ABCC9: variants seen among roughly 807,000 people sequenced by gnomAD.
ABCC9 encodes ATP-binding cassette sub-family C member 9.
Under a neutral mutation model 188.3 loss-of-function variants are expected in ABCC9, and 95 were observed. That is an observed-to-expected ratio of 0.50 (90% CI 0.43 to 0.60). The LOEUF (loss-of-function observed/expected upper bound fraction) is 0.60, where lower values mean the gene tolerates loss of function less well. Ranked by LOEUF, ABCC9 falls within the 20% of genes least tolerant of loss-of-function variation. The pLI, the probability that ABCC9 is intolerant of heterozygous loss-of-function variation, is 0.00. For synonymous variants in ABCC9, 659 were observed against 652.7 expected, an observed-to-expected ratio of 1.01 and a Z score of -0.15; for missense variants, 1,102 against 1,876.3, an observed-to-expected ratio of 0.59 and a Z score of 7.62.
In ABCC9 at chr12:21,852,223, C is replaced by A; in HGVS notation, c.2644-1G>T. On this transcript the variant is annotated splice_acceptor_variant, in intron 23 of 39. Transcript: ENST00000261200. LOFTEE classifies it high-confidence loss of function. ...CACTTCCATCTTTCATGGCTATGAT[C>A]TAAGGAAAGCGGATATTCCCAGAAA... 1 of 1,613,790 alleles carries A rather than the reference C, an allele frequency of 6.2e-7. No homozygotes were observed. The highest frequency in any genetic ancestry group is 8.5e-7 in the Non-Finnish European group (1 of 1,179,908).
chr12:21,876,478 T>G (rs1303257673), intron 16 of ABCC9, among the ~76,000 whole-genome samples: 1 of 152,100 alleles, frequency 6.6e-6, no homozygotes, highest in Non-Finnish European at 1.5e-5. Context: ...GGCCAACTAT[T>G]CACTGAAGTT....
intron 7 of ABCC9, among the ~76,000 whole-genome samples, 186 bp downstream of exon 7, chr12:21,915,476 ATATGTG>A (rs374623716): frequency 0.21 from 1,675 of 7,994 alleles, 382 homozygotes; most frequent in African/African-American, 0.25. Flanking sequence ...GTGTGTGTAT[ATATGTG>A]TGTGTGTGTG....
intron 5 of ABCC9, among the ~76,000 whole-genome samples, chr12:21,919,280 C>G (rs886793810): frequency 1.5e-4 from 23 of 151,866 alleles, no homozygotes; most frequent in African/African-American, 5.6e-4. Flanking sequence ...ATTGATAAGT[C>G]CCTAGCTAGA....
At chr12:21,883,096 G>A in intron 15 of ABCC9, among the ~76,000 whole-genome samples, 1 of 152,248 alleles carries the variant, frequency 6.6e-6, no homozygotes, top group Middle Eastern at 3.4e-3. Flanking sequence ...ATGAAAATAG[G>A]ATACTTGCAA....
Position 21,846,552 on chromosome 12 carries a change from G to A in ABCC9, c.2867-720C>T, listed in dbSNP as rs144580944. Among the ~76,000 whole-genome samples the A allele has an allele frequency of 2.1e-3, 319 of 152,202 alleles. 1 individual carries two copies. Among genetic ancestry groups the A allele is most frequent in the African/African-American group, 7.2e-3 (300 of 41,536 alleles). On this transcript the variant is annotated intron_variant, in intron 25 of 39. Coordinates refer to ENST00000261200, the MANE Select transcript of ABCC9 (RefSeq NM_020297.4). ...CTATACTATATACATATCAGGTTGT[G>A]GGGAGGAAGGACTTGTCTTTACTTT...
At chr12:21,836,250 C>T (rs2137325380) in intron 30 of ABCC9, among the ~76,000 whole-genome samples, 1 of 152,238 alleles carries the variant, frequency 6.6e-6, no homozygotes, top group Non-Finnish European at 1.5e-5. Context: ...CTTTCCTGCT[C>T]AAAATTCTTC....
In ABCC9 at chr12:21,799,621, A is replaced by T. The variant is rs1037328010; in HGVS notation, c.*1423T>A. 19 of 152,228 alleles carry T rather than the reference A, an allele frequency of 1.2e-4. No homozygotes were observed. Among genetic ancestry groups the T allele is most frequent in the African/African-American group, 4.6e-4 (19 of 41,478 alleles). The allele number at this position is 152,228 out of a possible 1,614,324, so 9.4% of individuals were successfully genotyped here. A position where few individuals can be genotyped will look rare whatever the true frequency, so the allele number is the denominator to read the frequency against. On this transcript the variant is annotated 3_prime_UTR_variant, in exon 40 of 40. Transcript: ENST00000261200. ...ATTCAGGTGAAGACACATATTCTGG[A>T]TACACAACTATTACATATTTTCCAA...
intron 39 of ABCC9, among the ~76,000 whole-genome samples, chr12:21,805,579 T>A (rs1288026880): frequency 6.6e-6 from 1 of 152,190 alleles, no homozygotes; most frequent in Non-Finnish European, 1.5e-5. Flanking sequence ...TATTTTTTAG[T>A]AGATTAATGA....
At chr12:21,921,451 C>T (rs1036401858) in intron 5 of ABCC9, among the ~76,000 whole-genome samples, 7 of 151,896 alleles carry the variant, frequency 4.6e-5, no homozygotes, top group South Asian at 2.1e-4. Context: ...TGTTTGAGCT[C>T]CTTATATATT....
chr12:21,906,363 G>A (rs2137839006), intron 11 of ABCC9, 75 bp from the exon 12 acceptor site: 1 of 1,465,392 alleles, frequency 6.8e-7, no homozygotes. Flanking sequence ...GTAATGGACA[G>A]GGATTGAGGA....
chr12:21,810,935 G>C (rs1942190562), intron 36 of ABCC9, among the ~76,000 whole-genome samples: 1 of 152,156 alleles, frequency 6.6e-6, no homozygotes, highest in African/African-American at 2.4e-5. Context: ...TAAGTAGATG[G>C]AGGTTAGGAG....
intron 18 of ABCC9, among the ~76,000 whole-genome samples, chr12:21,865,963 CAAA>C (rs58603649): frequency 0.33 from 50,114 of 150,720 alleles, 8,383 homozygotes; most frequent in East Asian, 0.49. Context: ...CAACCAAAAA[CAAA>C]GAAGCAAAGA....
At chr12:21,879,057 C>T (rs4148666) in intron 16 of ABCC9, among the ~76,000 whole-genome samples, 50,940 of 152,076 alleles carry the variant, frequency 0.33, 10,216 homozygotes, top group South Asian at 0.5. Flanking sequence ...GAGGCAAGCT[C>T]AGTGTACATC....
chr12:21,824,184 A>G (rs1943225115), intron 31 of ABCC9, among the ~76,000 whole-genome samples: 1 of 152,176 alleles, frequency 6.6e-6, no homozygotes, highest in African/African-American at 2.4e-5. Flanking sequence ...TAGTTTTTTG[A>G]GCGTTTTTAG....
chr12:21,913,027 A>G lies in ABCC9; in HGVS notation c.856T>C (p.Trp286Arg), dbSNP rs1365449330. Residue 286 changes from tryptophan (W) to arginine (R), a missense_variant, in exon 8 of 40, where the codon TGG becomes CGG. Trp to Arg is a moderately radical substitution (Grantham distance 101). This residue lies in a region of ABCC9 where 305 missense variants were observed against 573.0 expected (regional missense o/e 0.53). Transcript: ENST00000261200. ...ADHPNRTPSI[W>R]LAMYRAFGRP... is the part of the protein sequence containing the mutation. ...CCAAAAGCTCTGTACATTGCAAGCC[A>G]TATAGATGGAGTCCGATTTGGATGA... The G allele has an allele frequency of 6.2e-7, 1 of 1,608,390 alleles. No individual in the cohort carries two copies. The highest frequency in any genetic ancestry group is 8.5e-7 in the Non-Finnish European group (1 of 1,178,436).
At chr12:21,936,805 T>A in intron 2 of ABCC9, 111 bp from the exon 3 acceptor site, 1 of 756,784 alleles carries the variant, frequency 1.3e-6, no homozygotes, top group Non-Finnish European at 2.1e-6. Flanking sequence ...TCCCTTTTAC[T>A]TTGATAGCTG....
chr12:21,841,356 T>C (rs1309153835), intron 29 of ABCC9, among the ~76,000 whole-genome samples: 6,954 of 123,750 alleles, frequency 0.056, 789 homozygotes, highest in East Asian at 0.081. Flanking sequence ...CCTTTTTTTT[T>C]TTTTTTTTTT....
chr12:21,821,677 A>G lies in ABCC9; in HGVS notation c.3670-3426T>C, dbSNP rs559058744. 2.5e-4 allele frequency among the ~76,000 whole-genome samples: 38 copies of G among 152,296 alleles called. No homozygotes were observed. In the East Asian group the frequency reaches 6.9e-3, roughly 28 times the overall value. On this transcript the variant is annotated intron_variant, in intron 31 of 39. Coordinates refer to ENST00000261200, the MANE Select transcript of ABCC9 (RefSeq NM_020297.4). ...TTTACTATGGAAATCTTTGTATTCTATATTGGGCTCCTGAATTCACCCACT... is the reference window on the plus strand; with the variant it reads ...TTTACTATGGAAATCTTTGTATTCTGTATTGGGCTCCTGAATTCACCCACT...
At chr12:21,838,522 A>C (rs2137341623) in intron 29 of ABCC9, among the ~76,000 whole-genome samples, 1 of 152,304 alleles carries the variant, frequency 6.6e-6, no homozygotes, top group East Asian at 1.9e-4. Flanking sequence ...GCGAGACCTT[A>C]AGCTTGATGA....
Sources: allele counts gnomAD v4.1 joint callset (sites outside exome capture counted in the v4.1 genomes callset), GRCh38; gene constraint gnomAD v4.1.1; regional missense constraint gnomAD v4.1.1; transcripts MANE v1.5; gene names NCBI Gene and HGNC (gene_info 2026-07-23, HGNC 2026-07-21).